PPTC7: variants seen among roughly 807,000 people sequenced by gnomAD.
The protein encoded by PPTC7 is protein phosphatase PTC7 homolog.
PPTC7 carries 6 observed loss-of-function variants against 30.8 expected under a neutral mutation model. The ratio of observed to expected loss-of-function variants is 0.19; its 90% CI spans 0.11 to 0.38. The LOEUF is 0.38. Among genes scored for constraint, PPTC7 ranks in the 10% least tolerant of loss-of-function variants. The probability of loss-of-function intolerance (pLI) is 1.00; values close to 1 mark genes in which losing one functional copy is unlikely to be tolerated. For synonymous variants in PPTC7, 163 were observed against 168.1 expected (o/e 0.97, Z 0.23); for missense variants, 218 against 404.8 (o/e 0.54, Z 3.96).
intron 1 of PPTC7, among the ~76,000 whole-genome samples, chr12:110,570,163 C>A (rs533878882): frequency 3.3e-5 from 5 of 150,286 alleles, no homozygotes; most frequent in Non-Finnish European, 7.4e-5. Flanking sequence ...TAATCTATAA[C>A]CTTACCCCCA....
At chr12:110,549,370 G>A (rs1389252258) in intron 2 of PPTC7, among the ~76,000 whole-genome samples, 4 of 150,666 alleles carry the variant, frequency 2.7e-5, no homozygotes, top group African/African-American at 9.9e-5. Flanking sequence ...AGCAGTTGCT[G>A]GATTAAAAAA....
rs1329673285 is a variant in PPTC7 at position 110,551,676 on chromosome 12, G to C, written c.403+113C>G. 4.1e-6 allele frequency: 4 copies of C among 973,686 alleles called. No homozygotes were observed. The South Asian group carries it at 6.3e-5, about 15-fold the overall frequency. 60.3% of individuals were successfully genotyped at this position (973,686 alleles called of 1,614,324 possible). On this transcript the variant is annotated intron_variant, in intron 2 of 5. Transcript: ENST00000354300. ...GCCTATAGTTTCTCTATCACACTCT[G>C]CTTAGTAGGAAGAGCCTCAGAAAAA...
chr12:110,565,479 C>T (rs2064476239), intron 1 of PPTC7, among the ~76,000 whole-genome samples: 1 of 152,062 alleles, frequency 6.6e-6, no homozygotes, highest in African/African-American at 2.4e-5. Context: ...TGGTCTTGAA[C>T]TCCTGACCTT....
intron 1 of PPTC7, among the ~76,000 whole-genome samples, chr12:110,581,535 G>A (rs1221434846): frequency 1.3e-5 from 2 of 152,196 alleles, no homozygotes; most frequent in African/African-American, 2.4e-5. Context: ...TCTGCAAGCT[G>A]CAGGACCTTT....
chr12:110,561,909 A>G (rs1241601304), intron 1 of PPTC7, among the ~76,000 whole-genome samples: 2 of 152,072 alleles, frequency 1.3e-5, no homozygotes, highest in African/African-American at 4.8e-5. Flanking sequence ...GCCACTGTAC[A>G]TGAGCCTGGG....
intron 2 of PPTC7, among the ~76,000 whole-genome samples, chr12:110,551,080 T>C (rs1442577002): frequency 6.6e-6 from 1 of 152,224 alleles, no homozygotes; most frequent in East Asian, 1.9e-4. Context: ...TTAAGTCGTT[T>C]CTTTTCACAA....
At chr12:110,580,388 G>A in intron 1 of PPTC7, among the ~76,000 whole-genome samples, 1 of 152,184 alleles carries the variant, frequency 6.6e-6, no homozygotes, top group East Asian at 1.9e-4. Flanking sequence ...ACCCAGGCTG[G>A]AGTGCAGTGG....
At chr12:110,549,855 C>A (rs2064337267) in intron 2 of PPTC7, among the ~76,000 whole-genome samples, 1 of 152,078 alleles carries the variant, frequency 6.6e-6, no homozygotes, top group Admixed American at 6.6e-5. Flanking sequence ...AGGAGGCAGT[C>A]CCCTGGAATC....
At chr12:110,561,614 G>A (rs755472961) in intron 1 of PPTC7, among the ~76,000 whole-genome samples, 13 of 152,072 alleles carry the variant, frequency 8.5e-5, no homozygotes, top group African/African-American at 1.7e-4. Flanking sequence ...ATGAGCAACC[G>A]CATCCAGCCT....
chr12:110,546,083 A>G lies in PPTC7; in HGVS notation c.404-5T>C, dbSNP rs750671376. 10 of 1,612,162 alleles carry G rather than the reference A, an allele frequency of 6.2e-6. No individual in the cohort carries two copies. Among genetic ancestry groups the G allele is most frequent in the Non-Finnish European group, 8.5e-6 (10 of 1,178,900 alleles). ...CAATGCAGGCGGTGCTGCTACCTAGAAACAAAAATCATCTCCATTTATTTT... is the reference window on the plus strand; with the variant it reads ...CAATGCAGGCGGTGCTGCTACCTAGGAACAAAAATCATCTCCATTTATTTT... On this transcript the variant is annotated splice_polypyrimidine_tract_variant and splice_region_variant and intron_variant, in intron 2 of 5. Transcript: ENST00000354300.
intron 1 of PPTC7, among the ~76,000 whole-genome samples, chr12:110,559,341 G>C (rs1171684201): frequency 1.3e-5 from 2 of 151,790 alleles, no homozygotes; most frequent in African/African-American, 2.4e-5. Flanking sequence ...CTACAGTTAA[G>C]AGTTAAAAAG....
intron 1 of PPTC7, among the ~76,000 whole-genome samples, chr12:110,560,070 T>A (rs954753425): frequency 6.6e-6 from 1 of 152,166 alleles, no homozygotes; most frequent in Non-Finnish European, 1.5e-5. Context: ...CTAATTAACA[T>A]GTTTTTGTCT....
In PPTC7 at chr12:110,536,725, TC is replaced by T. The variant is rs1385913386; in HGVS notation, c.*311del. Reference sequence around the variant, plus strand: ...ACCAACATTACTCATTTTCAATACTTCAACTACTTTGAAAAGTAACAGCCAC... The same window carrying T: ...ACCAACATTACTCATTTTCAATACTTAACTACTTTGAAAAGTAACAGCCAC... On this transcript the variant is annotated 3_prime_UTR_variant, in exon 6 of 6. Transcript: ENST00000354300. 1 of 313,020 alleles carries T rather than the reference TC, an allele frequency of 3.2e-6. No individual in the cohort carries two copies. Among genetic ancestry groups the T allele is most frequent in the East Asian group, 5.7e-5 (1 of 17,566 alleles). 19.4% of individuals were successfully genotyped at this position (313,020 alleles called of 1,614,324 possible).
chr12:110,580,960 C>A (rs923177970), intron 1 of PPTC7, among the ~76,000 whole-genome samples: 1 of 151,904 alleles, frequency 6.6e-6, no homozygotes, highest in East Asian at 2.0e-4. Flanking sequence ...CCATATTGGT[C>A]AGTCTGGTCT....
At position 110,582,786 on chromosome 12, in the gene PPTC7, A is replaced by G. The variant is rs867017070; in HGVS notation, c.223+23T>C. 6 of 1,532,170 alleles carry G rather than the reference A, an allele frequency of 3.9e-6. No homozygotes were observed. The Middle Eastern group carries it at 1.2e-3, about 306-fold the overall frequency. The allele number at this position is 1,532,170 out of a possible 1,614,324, so 94.9% of individuals were successfully genotyped here. On this transcript the variant is annotated intron_variant, in intron 1 of 5. Transcript: ENST00000354300. ...GGGAGGCGGATCCGAGGCTGGGGCA[A>G]GGGAACCGGGTCGGGGACTCACCGA...
intron 1 of PPTC7, among the ~76,000 whole-genome samples, chr12:110,573,938 G>A (rs542018072): frequency 6.6e-6 from 1 of 151,878 alleles, no homozygotes; most frequent in South Asian, 2.1e-4. Flanking sequence ...CCGAGATTGT[G>A]CCATTGCATT....
intron 1 of PPTC7, among the ~76,000 whole-genome samples, chr12:110,561,813 G>T (rs894474783): frequency 1.3e-4 from 20 of 152,090 alleles, no homozygotes; most frequent in African/African-American, 4.6e-4. Context: ...CAAAAAATTA[G>T]CCAGGCATGG....
intron 1 of PPTC7, among the ~76,000 whole-genome samples, chr12:110,555,253 G>C (rs944445801): frequency 6.6e-6 from 1 of 152,210 alleles, no homozygotes; most frequent in African/African-American, 2.4e-5. Flanking sequence ...CACTGGGACA[G>C]CAACTTTCCC....
At position 110,546,053 on chromosome 12, in the gene PPTC7, C is replaced by T; in HGVS notation, c.429G>A (p.Val143=). The change falls in exon 3 of 6, where the codon GTG becomes GTA. Residue 143 remains valine (V), a synonymous_variant. Coordinates refer to ENST00000354300, the MANE Select transcript of PPTC7 (RefSeq NM_139283.2). ...LLGSSTACIV[V]LDRTSHRLHT... ...GTAAGCGGTGGCTGGTTCTGTCCAG[C>T]ACCACAATGCAGGCGGTGCTGCTAC... is the stretch of plus-strand genomic sequence containing the variant. 6.2e-7 allele frequency: 1 copy of T among 1,614,056 alleles called. No homozygotes were observed. The highest frequency in any genetic ancestry group is 8.5e-7 in the Non-Finnish European group (1 of 1,180,018).
Sources: gnomAD v4.1 joint callset for allele counts (sites outside exome capture counted in the v4.1 genomes callset) on GRCh38, gnomAD v4.1.1 for gene constraint, MANE v1.5 for transcripts, NCBI Gene and HGNC (gene_info 2026-07-23, HGNC 2026-07-21) for gene names.